Variants in SLC2A9 observed in about 807,000 individuals in gnomAD.
The protein encoded by SLC2A9 is solute carrier family 2, facilitated glucose transporter member 9.
A neutral mutation model predicts 50.6 loss-of-function variants in SLC2A9; 39 were observed. The ratio of observed to expected loss-of-function variants is 0.77; its 90% CI spans 0.60 to 1.01. SLC2A9 has a LOEUF of 1.01. Among genes scored for constraint, SLC2A9 ranks in the 50% least tolerant of loss-of-function variants. SLC2A9 has a pLI of 0.00. For missense variants in SLC2A9, 686 were observed against 677.6 expected (o/e 1.01, Z -0.14); for synonymous variants, 324 against 276.9 (o/e 1.17, Z -1.69).
intron 6 of SLC2A9, among the ~76,000 whole-genome samples, chr4:9,932,976 T>C (rs2110190609): frequency 6.6e-6 from 1 of 152,296 alleles, no homozygotes; most frequent in South Asian, 2.1e-4. Context: ...AGGCTGTGGT[T>C]CCCACGTCAT....
rs75045480 is a variant in SLC2A9 at position 9,994,643 on chromosome 4, T to C, written c.410+2138A>G. On this transcript the variant is annotated intron_variant, in intron 3 of 11. Coordinates refer to ENST00000264784, the MANE Select transcript of SLC2A9 (RefSeq NM_020041.3). Reference sequence around the variant, plus strand: ...ATTGCCCTCATTTTATAGGTAAGAATAATGCTGGCTGAGAAGTGAGGTGTC... The same window carrying C: ...ATTGCCCTCATTTTATAGGTAAGAACAATGCTGGCTGAGAAGTGAGGTGTC... Among the ~76,000 whole-genome samples, 596 of 148,566 alleles carry C rather than the reference T, an allele frequency of 4.0e-3. 1 individual carries two copies. The highest frequency in any genetic ancestry group is 0.014 in the African/African-American group (557 of 40,030).
At chr4:9,973,931 T>A (rs1198111477) in intron 5 of SLC2A9, among the ~76,000 whole-genome samples, 1 of 151,612 alleles carries the variant, frequency 6.6e-6, no homozygotes, top group Non-Finnish European at 1.5e-5. Flanking sequence ...CTTTACAAAT[T>A]ACCAGCAAAC....
chr4:9,844,288 T>C (rs1378123968), intron 10 of SLC2A9, among the ~76,000 whole-genome samples: 1 of 151,968 alleles, frequency 6.6e-6, no homozygotes, highest in Non-Finnish European at 1.5e-5. Context: ...TCTCCATCTC[T>C]CCTTCCCCCA....
At chr4:9,938,523 G>A (rs980797089) in intron 6 of SLC2A9, among the ~76,000 whole-genome samples, 6 of 152,088 alleles carry the variant, frequency 3.9e-5, no homozygotes, top group African/African-American at 7.2e-5. Context: ...TGCCCACCTC[G>A]GCCTCCCAAA....
At chr4:10,032,268 C>G (rs910350064) in intron 1 of SLC2A9, among the ~76,000 whole-genome samples, 7 of 152,080 alleles carry the variant, frequency 4.6e-5, no homozygotes, top group Admixed American at 2.6e-4. Flanking sequence ...TGGGAATTAA[C>G]TGAACATCTG....
At chr4:9,819,339 A>C (rs574029544) in intron 3 of SLC2A9, among the ~76,000 whole-genome samples, 6 of 152,062 alleles carry the variant, frequency 3.9e-5, no homozygotes, top group African/African-American at 1.4e-4. Flanking sequence ...TCTTGCCAAC[A>C]CTTGGTACTA....
intron 8 of SLC2A9, among the ~76,000 whole-genome samples, chr4:9,890,977 C>G (rs192639115): frequency 6.6e-6 from 1 of 152,326 alleles, no homozygotes; most frequent in Admixed American, 6.5e-5. Context: ...CTATGGTGGA[C>G]TCCTCCAACA....
chr4:10,024,351 G>A (rs1356920678), upstream of SLC2A9, among the ~76,000 whole-genome samples: 10 of 152,196 alleles, frequency 6.6e-5, no homozygotes, highest in Non-Finnish European at 1.5e-5. Context: ...TTTGGAGATA[G>A]GGTTTTTGAA....
chr4:9,781,108 T>C (rs893708399), intron 3 of SLC2A9, among the ~76,000 whole-genome samples: 5 of 152,168 alleles, frequency 3.3e-5, no homozygotes, highest in Admixed American at 2.6e-4. Context: ...AGCCTGTTCC[T>C]AGGAGACACT....
intron 11 of SLC2A9, among the ~76,000 whole-genome samples, chr4:9,830,782 T>C (rs1228224666): frequency 6.6e-6 from 1 of 152,188 alleles, no homozygotes; most frequent in East Asian, 1.9e-4. Flanking sequence ...TTATAACAAA[T>C]GGCCCAAGCA....
intron 10 of SLC2A9, among the ~76,000 whole-genome samples, chr4:9,852,130 A>T (rs908766838): frequency 1.3e-5 from 2 of 152,260 alleles, no homozygotes; most frequent in Non-Finnish European, 2.9e-5. Flanking sequence ...AAAAATGTTA[A>T]AGGCAGCTAG....
At chr4:9,834,827 G>T in intron 11 of SLC2A9, 54 bp downstream of exon 11, 1 of 1,613,052 alleles carries the variant, frequency 6.2e-7, no homozygotes, top group Non-Finnish European at 8.5e-7. Flanking sequence ...CACCCCTCAA[G>T]TGCTGCAGAA....
At chr4:9,942,634 T>C (rs1270002451) in intron 5 of SLC2A9, among the ~76,000 whole-genome samples, 6 of 152,182 alleles carry the variant, frequency 3.9e-5, no homozygotes, top group Non-Finnish European at 5.9e-5. Flanking sequence ...CAGCCAGCTA[T>C]GAAAGGCAAA....
chr4:9,936,809 T>C (rs2110222635), intron 6 of SLC2A9, among the ~76,000 whole-genome samples: 1 of 152,274 alleles, frequency 6.6e-6, no homozygotes, highest in Non-Finnish European at 1.5e-5. Context: ...CCTGAAATCT[T>C]TGATATGGTC....
At chr4:9,845,733 A>C (rs530987268) in intron 10 of SLC2A9, among the ~76,000 whole-genome samples, 1 of 152,280 alleles carries the variant, frequency 6.6e-6, no homozygotes, top group East Asian at 1.9e-4. Context: ...CCCGGCCCTG[A>C]TCATCAATTT....
chr4:9,784,216 C>T (rs1373190889), intron 3 of SLC2A9, among the ~76,000 whole-genome samples: 1 of 152,164 alleles, frequency 6.6e-6, no homozygotes, highest in African/African-American at 2.4e-5. Context: ...ATTACTTATA[C>T]CCATGTTGGG....
At chr4:9,949,746 C>CA (rs2108832393) in intron 5 of SLC2A9, among the ~76,000 whole-genome samples, 1 of 152,326 alleles carries the variant, frequency 6.6e-6, no homozygotes, top group East Asian at 1.9e-4. Context: ...ACCTGTCACA[C>CA]TCCTCTATGG....
At chr4:9,987,491 AT>A (rs967974339) in intron 3 of SLC2A9, among the ~76,000 whole-genome samples, 7 of 152,104 alleles carry the variant, frequency 4.6e-5, no homozygotes, top group Admixed American at 6.5e-5. Context: ...TTTACGGCTT[AT>A]TTTTTTTCCT....
intron 3 of SLC2A9, among the ~76,000 whole-genome samples, chr4:9,820,848 A>G (rs751235353): frequency 2.0e-5 from 3 of 152,216 alleles, no homozygotes; most frequent in Non-Finnish European, 4.4e-5. Flanking sequence ...TTTAATATGT[A>G]AACAATAATG....
Sources: allele counts gnomAD v4.1 joint callset (sites outside exome capture counted in the v4.1 genomes callset), GRCh38; gene constraint gnomAD v4.1.1; transcripts MANE v1.5; gene names NCBI Gene and HGNC (gene_info 2026-07-23, HGNC 2026-07-21).